PTPRN2: variants seen among roughly 807,000 people sequenced by gnomAD.
PTPRN2 encodes the protein receptor-type tyrosine-protein phosphatase N2.
PTPRN2 carries 74 observed loss-of-function variants against 118.8 expected under a neutral mutation model. The ratio of observed to expected loss-of-function variants is 0.62; its 90% CI spans 0.52 to 0.76. The LOEUF is 0.76. Among genes scored for constraint, PTPRN2 ranks in the 30% least tolerant of loss-of-function variants. The pLI, the probability that PTPRN2 is intolerant of heterozygous loss-of-function variation, is 0.00. For missense variants in PTPRN2, 1,481 were observed against 1,394.4 expected (o/e 1.06, Z -0.99); for synonymous variants, 641 against 608.0 (o/e 1.05, Z -0.80).
At chr7:158,408,622 A>G (rs1813781102) in intron 2 of PTPRN2, among the ~76,000 whole-genome samples, 2 of 152,246 alleles carry the variant, frequency 1.3e-5, no homozygotes, top group Non-Finnish European at 2.9e-5. Flanking sequence ...GGGCTCAGAA[A>G]AAGTCCAAAT....
Position 158,273,398 on chromosome 7 carries a change from ACGGGAGGAGCCGCAGACAGACG to A in PTPRN2, c.277+43399_277+43420del, listed in dbSNP as rs1244614350. Among the ~76,000 whole-genome samples the A allele has an allele frequency of 7.9e-4, 112 of 141,196 alleles. 10 individuals carry two copies. The highest frequency in any genetic ancestry group is 2.4e-3 in the South Asian group (11 of 4,660). 92.6% of individuals were successfully genotyped at this position (141,196 alleles called of 152,430 possible). Reference sequence around the variant, plus strand: ...CTGTCCCAGCGTCGTGGATGCAGACACGGGAGGAGCCGCAGACAGACGCGGGAGGAGCCGCAGACAGACGCGG... The same window carrying A: ...CTGTCCCAGCGTCGTGGATGCAGACACGGGAGGAGCCGCAGACAGACGCGG... On this transcript the variant is annotated intron_variant, in intron 3 of 22. Coordinates refer to ENST00000389418, the MANE Select transcript of PTPRN2 (RefSeq NM_002847.5).
At chr7:157,821,922 A>G (rs1485719910) in intron 12 of PTPRN2, among the ~76,000 whole-genome samples, 1 of 151,984 alleles carries the variant, frequency 6.6e-6, no homozygotes, top group Non-Finnish European at 1.5e-5. Flanking sequence ...TCATCCATCT[A>G]TATATACACT....
chr7:158,136,564 T>G, intron 8 of PTPRN2, 91 bp downstream of exon 8: 2 of 1,342,386 alleles, frequency 1.5e-6, no homozygotes, highest in Non-Finnish European at 1.1e-6. Flanking sequence ...GAAAAAAACT[T>G]TTGTATTTCA....
intron 5 of PTPRN2, among the ~76,000 whole-genome samples, chr7:158,171,308 C>CACATAT (rs1404282409): frequency 6.2e-5 from 3 of 48,660 alleles, no homozygotes; most frequent in East Asian, 1.4e-3. Context: ...TATATACACA[C>CACATAT]ATATATATAT....
intron 1 of PTPRN2, among the ~76,000 whole-genome samples, chr7:158,560,150 C>A (rs922702546): frequency 2.0e-5 from 3 of 152,260 alleles, no homozygotes; most frequent in Non-Finnish European, 4.4e-5. Context: ...CATGGTGTAG[C>A]ACGCTGAAGA....
chr7:158,445,596 C>T (rs1451521345), intron 2 of PTPRN2, among the ~76,000 whole-genome samples: 4 of 152,246 alleles, frequency 2.6e-5, no homozygotes, highest in Admixed American at 6.5e-5. Context: ...CTGCCCCAGC[C>T]CATAACGGGG....
At chr7:158,293,954 T>A (rs913752301) in intron 3 of PTPRN2, among the ~76,000 whole-genome samples, 3 of 152,356 alleles carry the variant, frequency 2.0e-5, no homozygotes, top group Non-Finnish European at 4.4e-5. Context: ...TGCCTGAGTC[T>A]GTGTGAGTGT....
At position 158,525,020 on chromosome 7, in the gene PTPRN2, G is replaced by A. The variant is rs568971709; in HGVS notation, c.113-35235C>T. Among the ~76,000 whole-genome samples, 8 of 152,212 alleles carry A rather than the reference G, an allele frequency of 5.3e-5. No individual in the cohort carries two copies. The highest frequency in any genetic ancestry group is 4.2e-4 in the South Asian group (2 of 4,814). On this transcript the variant is annotated intron_variant, in intron 1 of 22. Transcript: ENST00000389418. This position sits in a 1 kb window ranked among gnomAD's most constrained non-coding sequence, Gnocchi z 4.1. The stretch of plus-strand genomic sequence containing the variant: ...CCCTTCGAAGTGTGGCCCCAGCAGC[G>A]GTCTCCTGCACCCTCCGAAAAGACA...
At chr7:158,499,074 GT>G (rs759249956) in intron 1 of PTPRN2, among the ~76,000 whole-genome samples, 3 of 152,146 alleles carry the variant, frequency 2.0e-5, no homozygotes, top group Non-Finnish European at 4.4e-5. Flanking sequence ...CCAGTTCATA[GT>G]TTCTCAGTCA....
chr7:158,216,430 T>C (rs990584253), intron 3 of PTPRN2, among the ~76,000 whole-genome samples: 7 of 150,400 alleles, frequency 4.7e-5, no homozygotes, highest in African/African-American at 1.7e-4. Flanking sequence ...GCTGAGTGGG[T>C]TTTTTTTAAA....
chr7:158,263,165 TTCAC>T lies in PTPRN2; in HGVS notation c.277+53650_277+53653del, dbSNP rs1477814627. ...TTCACACACTGCACACAGTCACACA[TTCAC>T]ACACACTGCACACACATTCACACAC... On this transcript the variant is annotated intron_variant, in intron 3 of 22. Transcript: ENST00000389418. Among the ~76,000 whole-genome samples, 6 of 145,750 alleles carry T rather than the reference TTCAC, an allele frequency of 4.1e-5. No homozygotes were observed. In the South Asian group the frequency reaches 6.7e-4, roughly 16 times the overall value.
At chr7:158,336,862 A>G (rs1328143951) in intron 2 of PTPRN2, among the ~76,000 whole-genome samples, 2 of 101,584 alleles carry the variant, frequency 2.0e-5, no homozygotes, top group African/African-American at 3.4e-5. Flanking sequence ...TCACCATAAG[A>G]GCTGTCGCCC....
At chr7:157,731,386 G>A (rs1462850931) in intron 12 of PTPRN2, among the ~76,000 whole-genome samples, 2 of 152,180 alleles carry the variant, frequency 1.3e-5, no homozygotes, top group Non-Finnish European at 2.9e-5. Flanking sequence ...CAGACATTCA[G>A]TACAAAACCC....
chr7:157,751,728 G>C (rs1288602525), intron 12 of PTPRN2, among the ~76,000 whole-genome samples: 1 of 152,078 alleles, frequency 6.6e-6, no homozygotes, highest in Non-Finnish European at 1.5e-5. Context: ...GGCTGATGGA[G>C]CCGCGCGCAC....
At chr7:157,837,632 A>G (rs1004381364) in intron 12 of PTPRN2, among the ~76,000 whole-genome samples, 3 of 151,712 alleles carry the variant, frequency 2.0e-5, no homozygotes, top group Non-Finnish European at 2.9e-5. Context: ...AGTCCTTCGC[A>G]CTCCTGCCGT....
chr7:158,560,390 C>T (rs1022143490), intron 1 of PTPRN2, among the ~76,000 whole-genome samples: 9 of 152,220 alleles, frequency 5.9e-5, no homozygotes, highest in Non-Finnish European at 7.3e-5. Flanking sequence ...ATCATGTGCA[C>T]GAACACTTAG....
At chr7:158,306,879 T>G (rs973855996) in intron 3 of PTPRN2, among the ~76,000 whole-genome samples, 19 of 148,442 alleles carry the variant, frequency 1.3e-4, no homozygotes, top group Middle Eastern at 3.4e-3. Context: ...TTTTTTTTTT[T>G]TTTTTTAGAC....
intron 9 of PTPRN2, 33 bp from the exon 10 acceptor site, chr7:158,110,948 C>A: frequency 6.6e-7 from 1 of 1,520,546 alleles, no homozygotes; most frequent in East Asian, 2.4e-5. Flanking sequence ...GGAGCAGTCA[C>A]CACAGAGCCA....
chr7:157,750,038 T>C (rs564266799), intron 12 of PTPRN2, among the ~76,000 whole-genome samples: 3 of 152,192 alleles, frequency 2.0e-5, no homozygotes, highest in Non-Finnish European at 2.9e-5. Context: ...GAGGCCTGCT[T>C]CTCTGTGCTG....
Sources: gnomAD v4.1 joint callset for allele counts (sites outside exome capture counted in the v4.1 genomes callset) on GRCh38, gnomAD v4.1.1 for gene constraint, Gnocchi (gnomAD v3.1) non-coding constraint, MANE v1.5 for transcripts, NCBI Gene and HGNC (gene_info 2026-07-23, HGNC 2026-07-21) for gene names.